The following VPS33B variants were observed in gnomAD, a reference collection of about 807,000 sequenced individuals.
The protein encoded by VPS33B is vacuolar protein sorting-associated protein 33B.
Under a neutral mutation model 95.3 loss-of-function variants are expected in VPS33B, and 80 were observed. The observed-to-expected ratio is 0.84, with a 90% CI of 0.70 to 1.01. The LOEUF (loss-of-function observed/expected upper bound fraction) is 1.01. Among genes scored for constraint, VPS33B ranks in the 50% least tolerant of loss-of-function variants. The probability of loss-of-function intolerance (pLI) is 0.00; values close to 1 mark genes in which losing one functional copy is unlikely to be tolerated. For missense variants in VPS33B, 715 were observed against 773.4 expected (o/e 0.92, Z 0.90); for synonymous variants, 280 against 280.4 (o/e 1.00, Z 0.01).
In VPS33B at chr15:91,010,003, A is replaced by G. The variant is rs768335583; in HGVS notation, c.358-157T>C. Among the ~76,000 whole-genome samples, 4 of 152,238 alleles carry G rather than the reference A, an allele frequency of 2.6e-5. No homozygotes were observed. Among genetic ancestry groups the G allele is most frequent in the Admixed American group, 6.5e-5 (1 of 15,280 alleles). On this transcript the variant is annotated intron_variant, in intron 5 of 22. Coordinates refer to ENST00000333371, the MANE Select transcript of VPS33B (RefSeq NM_018668.5). The surrounding 1 kb of genome is among the most constrained non-coding windows in gnomAD (Gnocchi z 5.7). The stretch of plus-strand genomic sequence containing the variant: ...TTAAGATCTAGAAAGAACCATTAGA[A>G]TCATTCAGCCCAGCACTTCAGTTCT...
chr15:91,022,168 A>G lies in VPS33B; in HGVS notation c.82T>C (p.Tyr28His), dbSNP rs961063592. The change falls in exon 1 of 23, where the codon TAT becomes CAT. Residue 28 changes from tyrosine (Y) to histidine (H), a missense_variant. Transcript: ENST00000333371. ...LKRLARDQLI[Y>H]LLEQLPGKKD... is the part of the protein sequence containing the mutation. ...CAAGCACTGACCTGCTCCAGCAGAT[A>G]GATGAGCTGGTCTCGAGCCAGCCTC... 3.8e-6 allele frequency: 6 copies of G among 1,565,852 alleles called. No individual in the cohort carries two copies. The African/African-American group carries it at 6.8e-5, about 18-fold the overall frequency.
chr15:90,999,612 C>T lies in VPS33B; in HGVS notation c.1774+65G>A. On this transcript the variant is annotated intron_variant, in intron 22 of 22. Transcript: ENST00000333371. This position sits in a 1 kb window ranked among gnomAD's most constrained non-coding sequence, Gnocchi z 5.1. Reference sequence around the variant, plus strand: ...GAGATTACAGGTATGAACCACCGTGCCCAGCTGACACTTTGTTACCCAGAT... The same window carrying T: ...GAGATTACAGGTATGAACCACCGTGTCCAGCTGACACTTTGTTACCCAGAT... 3.2e-6 allele frequency: 5 copies of T among 1,554,586 alleles called. No homozygotes were observed. Among genetic ancestry groups the T allele is most frequent in the African/African-American group, 1.4e-5 (1 of 73,784 alleles).
Position 91,000,101 on chromosome 15 carries a change from C to T in VPS33B, c.1582-126G>A, listed in dbSNP as rs2040393154. On this transcript the variant is annotated intron_variant, in intron 20 of 22. Coordinates refer to ENST00000333371, the MANE Select transcript of VPS33B (RefSeq NM_018668.5). The surrounding 1 kb of genome is among the most constrained non-coding windows in gnomAD (Gnocchi z 4.9). Reference sequence around the variant, plus strand: ...AAGTAGCAAAAAGTTGAGACAGGGCCAGGTGTGGTGGCTCACGCCTGTAAT... The same window carrying T: ...AAGTAGCAAAAAGTTGAGACAGGGCTAGGTGTGGTGGCTCACGCCTGTAAT... 7 of 1,197,858 alleles carry T rather than the reference C, an allele frequency of 5.8e-6. No homozygotes were observed. The South Asian group carries it at 8.8e-5, about 15-fold the overall frequency. The allele number at this position is 1,197,858 out of a possible 1,614,324, so 74.2% of individuals were successfully genotyped here. A position where few individuals can be genotyped will look rare whatever the true frequency, so the allele number is the denominator to read the frequency against.
Position 91,001,900 on chromosome 15 carries a change from C to T in VPS33B, c.1405+150G>A, listed in dbSNP as rs1056656666. The T allele has an allele frequency of 3.9e-6, 5 of 1,291,598 alleles. No homozygotes were observed. The African/African-American group carries it at 7.4e-5, about 19-fold the overall frequency. 80.0% of individuals were successfully genotyped at this position (1,291,598 alleles called of 1,614,324 possible). A position where few individuals can be genotyped will look rare whatever the true frequency, so the allele number is the denominator to read the frequency against. On this transcript the variant is annotated intron_variant, in intron 18 of 22. Coordinates refer to ENST00000333371, the MANE Select transcript of VPS33B (RefSeq NM_018668.5). ...GTTTACTATGTGGAAACTGCTCTTA[C>T]TAGCAGAAGTAGTAGTAATAATAGT...
In VPS33B at chr15:90,999,862, T is replaced by A; in HGVS notation, c.1657+38A>T. On this transcript the variant is annotated intron_variant, in intron 21 of 22. Transcript: ENST00000333371. The surrounding 1 kb of genome is among the most constrained non-coding windows in gnomAD (Gnocchi z 5.1). ...TCCTGAGTGGTGCATCCAGCCCACCTCTCACTGCCAGCCTACCCCACTGTT... is the reference window on the plus strand; with the variant it reads ...TCCTGAGTGGTGCATCCAGCCCACCACTCACTGCCAGCCTACCCCACTGTT... The A allele has an allele frequency of 6.2e-7, 1 of 1,613,846 alleles. No homozygotes were observed. Among genetic ancestry groups the A allele is most frequent in the Non-Finnish European group, 8.5e-7 (1 of 1,179,756 alleles).
chr15:91,014,437 TGAGA>T lies in VPS33B; in HGVS notation c.240-8_240-5del, dbSNP rs771467934. ...GGGTCTGACCAAGAAGCACAATCTA[TGAGA>T]GAGAAAGAAAAAAAAACAGTGAAGA... is the stretch of plus-strand genomic sequence containing the variant. On this transcript the variant is annotated splice_polypyrimidine_tract_variant and splice_region_variant and intron_variant, in intron 3 of 22. Transcript: ENST00000333371. The T allele has an allele frequency of 1.2e-6, 2 of 1,613,466 alleles. No homozygotes were observed. The highest frequency in any genetic ancestry group is 2.7e-5 in the African/African-American group (2 of 74,702).
Position 91,020,298 on chromosome 15 carries a change from GGTTCA to G in VPS33B, c.96+1851_96+1855del, listed in dbSNP as rs1184746705. The stretch of plus-strand genomic sequence containing the variant: ...GAAGTATCCATGGAACTCAGCAACT[GGTTCA>G]GTTAAGTATCAGGGTGAAGGAGAGG... On this transcript the variant is annotated intron_variant, in intron 1 of 22. Transcript: ENST00000333371. Among the ~76,000 whole-genome samples, 4 of 152,162 alleles carry G rather than the reference GGTTCA, an allele frequency of 2.6e-5. No homozygotes were observed. The East Asian group carries it at 7.7e-4, about 29-fold the overall frequency.
chr15:91,000,704 G>A lies in VPS33B; in HGVS notation c.1480-113C>T. 1 of 915,106 alleles carries A rather than the reference G, an allele frequency of 1.1e-6. No homozygotes were observed. 56.7% of individuals were successfully genotyped at this position (915,106 alleles called of 1,614,324 possible). On this transcript the variant is annotated intron_variant, in intron 19 of 22. Transcript: ENST00000333371. This position sits in a 1 kb window ranked among gnomAD's most constrained non-coding sequence, Gnocchi z 4.9. ...ACAATTCTTATTTCAACTAAAGGGA[G>A]AACCAGCAATAGCCCTGAAAAGAGA...
At position 91,004,934 on chromosome 15, in the gene VPS33B, G is replaced by C; in HGVS notation, c.1171-3C>G. 1 of 1,614,168 alleles carries C rather than the reference G, an allele frequency of 6.2e-7. No individual in the cohort carries two copies. The highest frequency in any genetic ancestry group is 8.5e-7 in the Non-Finnish European group (1 of 1,180,034). On this transcript the variant is annotated splice_polypyrimidine_tract_variant and splice_region_variant and intron_variant, in intron 15 of 22. Transcript: ENST00000333371. ...CGCAGGCTTTCTATAGGCGACACCT[G>C]CATAGGAAGAAAGAATCAAGGAGAA...
chr15:91,008,562 GCTCA>G (rs1224301673), intron 6 of VPS33B, among the ~76,000 whole-genome samples: 1 of 152,184 alleles, frequency 6.6e-6, no homozygotes, highest in African/African-American at 2.4e-5. Context: ...ACCACGCCCA[GCTCA>G]CTCATTCATT....
chr15:91,022,206 A>T lies in VPS33B; in HGVS notation c.44T>A (p.Phe15Tyr), dbSNP rs748609085. Residue 15 changes from phenylalanine to tyrosine, a missense_variant, in exon 1 of 23, where the codon TTC becomes TAC. Transcript: ENST00000333371. The stretch of plus-strand genomic sequence containing the variant: ...TCGAGCCAGCCTCTTCAGCATGGAG[A>T]AGTCAGGCAGCTCAGGGGCGTCCGG... ...HRPDAPELPD[F>Y]SMLKRLARDQ... The T allele has an allele frequency of 1.2e-5, 19 of 1,588,398 alleles. No individual in the cohort carries two copies. Among genetic ancestry groups the T allele is most frequent in the Non-Finnish European group, 1.5e-5 (18 of 1,165,912 alleles).
Position 91,002,142 on chromosome 15 carries a change from C to A in VPS33B, c.1313G>T (p.Arg438Leu). The change falls in exon 18 of 23, where the codon CGA becomes CTA. Residue 438 changes from arginine to leucine, a missense_variant. Coordinates refer to ENST00000333371, the MANE Select transcript of VPS33B (RefSeq NM_018668.5). The surrounding 1 kb of genome is among the most constrained non-coding windows in gnomAD (Gnocchi z 4.7). Reference sequence around the variant, plus strand: ...CTGCTCCGTTAGGAGCCCAGCTCTTCGCAGATTGGAGAAGGTTAGCAGGTG... The same window carrying A: ...CTGCTCCGTTAGGAGCCCAGCTCTTAGCAGATTGGAGAAGGTTAGCAGGTG... ...PEHLLTFSNLRRAGLLTEQAP... is the reference protein window; with the variant it reads ...PEHLLTFSNLLRAGLLTEQAP... The A allele has an allele frequency of 6.2e-7, 1 of 1,614,150 alleles. No homozygotes were observed. The highest frequency in any genetic ancestry group is 8.5e-7 in the Non-Finnish European group (1 of 1,180,034).
Position 90,998,803 on chromosome 15 carries a change from C to A in VPS33B, c.*172G>T. 1 of 738,954 alleles carries A rather than the reference C, an allele frequency of 1.4e-6. No homozygotes were observed. Among genetic ancestry groups the A allele is most frequent in the East Asian group, 2.7e-5 (1 of 37,050 alleles). 45.8% of individuals were successfully genotyped at this position (738,954 alleles called of 1,614,324 possible). On this transcript the variant is annotated 3_prime_UTR_variant, in exon 23 of 23. Coordinates refer to ENST00000333371, the MANE Select transcript of VPS33B (RefSeq NM_018668.5). This position sits in a 1 kb window ranked among gnomAD's most constrained non-coding sequence, Gnocchi z 4.8. The stretch of plus-strand genomic sequence containing the variant: ...ACAGAAAAGAGAAATATCCTGGGAG[C>A]AGGAAGTGAACTCTTTTCTCAGATA...
rs2040904870 is a variant in VPS33B at position 91,015,689 on chromosome 15, G to T, written c.240-1256C>A. Among the ~76,000 whole-genome samples, 1 of 151,992 alleles carries T rather than the reference G, an allele frequency of 6.6e-6. No individual in the cohort carries two copies. The highest frequency in any genetic ancestry group is 6.6e-5 in the Admixed American group (1 of 15,258). On this transcript the variant is annotated intron_variant, in intron 3 of 22. Transcript: ENST00000333371. The surrounding 1 kb of genome is among the most constrained non-coding windows in gnomAD (Gnocchi z 4.7). ...ATAAAATAAAATAAAACTATAGGCG[G>T]ATGCAGTGCTGCACACTTGTAATCC...
rs761356471 is a variant in VPS33B at position 91,002,349 on chromosome 15, G to C, written c.1273-167C>G. Among the ~76,000 whole-genome samples, 4 of 152,232 alleles carry C rather than the reference G, an allele frequency of 2.6e-5. No homozygotes were observed. Among genetic ancestry groups the C allele is most frequent in the Non-Finnish European group, 5.9e-5 (4 of 68,042 alleles). ...ATCAGAAATAACCAAACAGGGCTGGGAGCGGTGGCTCATGCCTGTAATCCC... is the reference window on the plus strand; with the variant it reads ...ATCAGAAATAACCAAACAGGGCTGGCAGCGGTGGCTCATGCCTGTAATCCC... On this transcript the variant is annotated intron_variant, in intron 17 of 22. Transcript: ENST00000333371. The surrounding 1 kb of genome is among the most constrained non-coding windows in gnomAD (Gnocchi z 4.7).
chr15:91,006,608 T>C lies in VPS33B; in HGVS notation c.778+44A>G, dbSNP rs764229995. On this transcript the variant is annotated intron_variant, in intron 10 of 22. Transcript: ENST00000333371. This position sits in a 1 kb window ranked among gnomAD's most constrained non-coding sequence, Gnocchi z 5.4. ...CCCACGTGGGAGGTGCCAAGGCTGA[T>C]GACCCGTCCATCTTGCCAAGATGCA... The C allele has an allele frequency of 2.5e-6, 4 of 1,613,408 alleles. No individual in the cohort carries two copies. Among genetic ancestry groups the C allele is most frequent in the East Asian group, 2.2e-5 (1 of 44,884 alleles).
rs975468909 is a variant in VPS33B at position 91,018,607 on chromosome 15, G to A, written c.97-722C>T. 3.3e-5 allele frequency among the ~76,000 whole-genome samples: 5 copies of A among 152,084 alleles called. No individual in the cohort carries two copies. The highest frequency in any genetic ancestry group is 7.4e-5 in the Non-Finnish European group (5 of 68,014). ...TAGTAAGGGGACGATTTTGCCCTCC[G>A]AGGGACATTTGGCAATGTCCAGACA... On this transcript the variant is annotated intron_variant, in intron 1 of 22. Coordinates refer to ENST00000333371, the MANE Select transcript of VPS33B (RefSeq NM_018668.5). This position sits in a 1 kb window ranked among gnomAD's most constrained non-coding sequence, Gnocchi z 4.7.
In VPS33B at chr15:91,009,076, G is replaced by A. The variant is rs886609856; in HGVS notation, c.403+725C>T. Among the ~76,000 whole-genome samples, 2 of 152,108 alleles carry A rather than the reference G, an allele frequency of 1.3e-5. No individual in the cohort carries two copies. Among genetic ancestry groups the A allele is most frequent in the Admixed American group, 6.6e-5 (1 of 15,266 alleles). On this transcript the variant is annotated intron_variant, in intron 6 of 22. Coordinates refer to ENST00000333371, the MANE Select transcript of VPS33B (RefSeq NM_018668.5). The surrounding 1 kb of genome is among the most constrained non-coding windows in gnomAD (Gnocchi z 4.1). ...GCTGCTATTTCCAGCAGGGAGGGCTGTGATCAGGTTTGGGTTGTGTGGAGA... is the reference window on the plus strand; with the variant it reads ...GCTGCTATTTCCAGCAGGGAGGGCTATGATCAGGTTTGGGTTGTGTGGAGA...
chr15:91,000,525 C>G lies in VPS33B; in HGVS notation c.1546G>C (p.Ala516Pro). Reference protein sequence around the residue: ...PRDMAYVFGGAYVPLSCRIIE... With the variant: ...PRDMAYVFGGPYVPLSCRIIE... ...ATTCGGCAGCTCAGGGGCACATAAG[C>G]ACCACCGAAGACGTAAGCCATGTCT... Residue 516 changes from alanine (A) to proline (P), a missense_variant, in exon 20 of 23, where the codon GCT becomes CCT. Ala to Pro is a conservative substitution (Grantham distance 27). Transcript: ENST00000333371. The surrounding 1 kb of genome is among the most constrained non-coding windows in gnomAD (Gnocchi z 4.9). The G allele has an allele frequency of 6.2e-7, 1 of 1,613,544 alleles. No individual in the cohort carries two copies. The highest frequency in any genetic ancestry group is 8.5e-7 in the Non-Finnish European group (1 of 1,179,678).
Sources: gnomAD v4.1 joint callset for allele counts (sites outside exome capture counted in the v4.1 genomes callset) on GRCh38, gnomAD v4.1.1 for gene constraint, Gnocchi (gnomAD v3.1) non-coding constraint, MANE v1.5 for transcripts, NCBI Gene and HGNC (gene_info 2026-07-23, HGNC 2026-07-21) for gene names.